UNC79: variants seen among roughly 807,000 people sequenced by gnomAD.
The protein encoded by UNC79 is unc-79 subunit of NALCN channel complex.
UNC79 carries 37 observed loss-of-function variants against 283.1 expected under a neutral mutation model. That is an observed-to-expected ratio of 0.13 (90% CI 0.10 to 0.17). UNC79 has a LOEUF of 0.17. UNC79 is among the 10% of genes least tolerant of loss of function. The probability of loss-of-function intolerance (pLI) is 1.00; values close to 1 mark genes in which losing one functional copy is unlikely to be tolerated. For synonymous variants in UNC79, 1,107 were observed against 1,200.2 expected (o/e 0.92, Z 1.61); for missense variants, 2,272 against 3,211.1 (o/e 0.71, Z 7.07).
At chr14:93,428,175 A>G (rs1031661824), upstream of UNC79, among the ~76,000 whole-genome samples, 1 of 152,186 alleles carries the variant, frequency 6.6e-6, no homozygotes, top group African/African-American at 2.4e-5. Flanking sequence ...GTAGTGAGGA[A>G]ATGGAGAAAT....
rs1555419126 is a variant in UNC79, at chr14:93,474,991, G to A, written c.448+598G>A. 6.6e-6 allele frequency among the ~76,000 whole-genome samples: 1 copy of A among 152,124 alleles called. No homozygotes were observed. Among genetic ancestry groups the A allele is most frequent in the Non-Finnish European group, 1.5e-5 (1 of 68,020 alleles). Reference sequence around the variant, plus strand: ...GCTGTATTCAGCATATGGTATTAGTGGTGCTATGTGCTATTTGCAGTATGT... The same window carrying A: ...GCTGTATTCAGCATATGGTATTAGTAGTGCTATGTGCTATTTGCAGTATGT... On this transcript the variant is annotated intron_variant, in intron 3 of 48. Coordinates refer to ENST00000555664, the Ensembl canonical transcript of UNC79. This position sits in a 1 kb window ranked among gnomAD's most constrained non-coding sequence, Gnocchi z 4.1.
chr14:93,478,530 C>T (rs1243145346), intron 4 of UNC79, among the ~76,000 whole-genome samples: 1 of 152,168 alleles, frequency 6.6e-6, no homozygotes, highest in African/African-American at 2.4e-5. Flanking sequence ...GGATCCAAAT[C>T]ACAGCTCTTC....
At chr14:93,493,901 A>ATATATATATATAT (rs1251701550) in intron 5 of UNC79, among the ~76,000 whole-genome samples, 1 of 49,254 alleles carries the variant, frequency 2.0e-5, no homozygotes, top group African/African-American at 8.9e-5. Flanking sequence ...ATATATATAT[A>ATATATATATATAT]TTTTTTTTTT....
At chr14:93,539,212 A>ATTT (rs111725860) in intron 12 of UNC79, among the ~76,000 whole-genome samples, 5,012 of 143,588 alleles carry the variant, frequency 0.035, 183 homozygotes, top group Admixed American at 0.11. Context: ...TCCAGGCAAG[A>ATTT]TTTTTTTTTT....
chr14:93,422,955 CAGG>C (rs2055630925), intron 1 of UNC79, among the ~76,000 whole-genome samples: 1 of 149,090 alleles, frequency 6.7e-6, no homozygotes, highest in East Asian at 2.1e-4. Flanking sequence ...CCCAGCTACT[CAGG>C]AGGTTGAGGC....
chr14:93,587,851 G>C (rs1303287920), intron 22 of UNC79, among the ~76,000 whole-genome samples: 1 of 152,192 alleles, frequency 6.6e-6, no homozygotes, highest in Non-Finnish European at 1.5e-5. Context: ...ATACAGCTCA[G>C]AGGTGGGAGA....
chr14:93,579,766 C>T (rs1202057255), intron 18 of UNC79, among the ~76,000 whole-genome samples: 1 of 152,148 alleles, frequency 6.6e-6, no homozygotes, highest in African/African-American at 2.4e-5. Context: ...TCCAAGGAGC[C>T]CTGGTTCCTT....
chr14:93,388,990 T>C (rs2054831853), intron 1 of UNC79, among the ~76,000 whole-genome samples: 1 of 152,226 alleles, frequency 6.6e-6, no homozygotes, highest in Non-Finnish European at 1.5e-5. Context: ...TAGGAATTGA[T>C]TGGAATGGAC....
intron 41 of UNC79, among the ~76,000 whole-genome samples, chr14:93,673,983 A>G (rs1566903702): frequency 6.6e-6 from 1 of 152,180 alleles, no homozygotes; most frequent in East Asian, 1.9e-4. Flanking sequence ...ACTGAAGCTG[A>G]GGACCACTAT....
At chr14:93,389,691 G>T (rs879552553) in intron 1 of UNC79, among the ~76,000 whole-genome samples, 3 of 149,384 alleles carry the variant, frequency 2.0e-5, no homozygotes, top group African/African-American at 4.9e-5. Context: ...TCACTCTGCC[G>T]CCCAAGCTGG....
At chr14:93,663,048 A>G (rs1427057084) in intron 40 of UNC79, among the ~76,000 whole-genome samples, 1 of 152,172 alleles carries the variant, frequency 6.6e-6, no homozygotes, top group Non-Finnish European at 1.5e-5. Flanking sequence ...TCATCATCCC[A>G]TGATTAGTGG....
intron 1 of UNC79, among the ~76,000 whole-genome samples, chr14:93,394,735 A>G (rs1199101143): frequency 1.3e-5 from 2 of 152,042 alleles, no homozygotes; most frequent in Non-Finnish European, 2.9e-5. Context: ...TTTTAGAGAT[A>G]GGGTCTCATT....
At chr14:93,609,303 T>C (rs753104687) in intron 26 of UNC79, among the ~76,000 whole-genome samples, 13 of 152,140 alleles carry the variant, frequency 8.5e-5, no homozygotes, top group Non-Finnish European at 1.3e-4. Flanking sequence ...GATCCACGAG[T>C]AGCCCAGCTT....
At position 93,360,088 on chromosome 14, in the gene UNC79, G is replaced by C. The variant is rs952255017; in HGVS notation, c.-351+26565G>C. On this transcript the variant is annotated intron_variant, in intron 1 of 49. Transcript: ENST00000256339. ...TGTTAGCTCAGGTCAAACTTACAGT[G>C]GGTCCAGTGGGTCCCTGGTCTCATC... Among the ~76,000 whole-genome samples, 5 of 152,116 alleles carry C rather than the reference G, an allele frequency of 3.3e-5. No individual in the cohort carries two copies. In the East Asian group the frequency reaches 9.7e-4, roughly 29 times the overall value.
At chr14:93,404,327 TAA>T (rs11387953) in intron 1 of UNC79, among the ~76,000 whole-genome samples, 1 of 137,062 alleles carries the variant, frequency 7.3e-6, no homozygotes. Context: ...TCTACAAAAA[TAA>T]AAAAAAAAAA....
chr14:93,398,973 A>G (rs952355859), intron 1 of UNC79, among the ~76,000 whole-genome samples: 2 of 152,160 alleles, frequency 1.3e-5, no homozygotes, highest in African/African-American at 4.8e-5. Flanking sequence ...TTTATAAACA[A>G]AGGAGGTTTA....
At chr14:93,495,048 TC>T (rs2058952509) in intron 5 of UNC79, among the ~76,000 whole-genome samples, 1 of 152,066 alleles carries the variant, frequency 6.6e-6, no homozygotes, top group Non-Finnish European at 1.5e-5. Context: ...TCTCAGAAGC[TC>T]CCCAGCAGAT....
intron 31 of UNC79, among the ~76,000 whole-genome samples, chr14:93,631,759 A>G (rs1313936979): frequency 6.6e-6 from 1 of 152,228 alleles, no homozygotes; most frequent in East Asian, 1.9e-4. Context: ...GAACATCATC[A>G]TCTTCATTGT....
Position 93,691,956 on chromosome 14 carries a change from C to T in UNC79, c.7470+10C>T. On this transcript the variant is annotated intron_variant, in intron 46 of 48. Transcript: ENST00000555664. The stretch of plus-strand genomic sequence containing the variant: ...GGCCCATAACAAAGTGGTGAGTTCA[C>T]AGACGAGTTTCCCTTCTGAGATGGA... The T allele has an allele frequency of 6.2e-7, 1 of 1,613,438 alleles. No homozygotes were observed. The highest frequency in any genetic ancestry group is 8.5e-7 in the Non-Finnish European group (1 of 1,179,396).
Sources: gnomAD v4.1 joint callset for allele counts (sites outside exome capture counted in the v4.1 genomes callset) on GRCh38, gnomAD v4.1.1 for gene constraint, Gnocchi (gnomAD v3.1) non-coding constraint, MANE v1.5 for transcripts, NCBI Gene and HGNC (gene_info 2026-07-23, HGNC 2026-07-21) for gene names.